CR1L: variants seen among roughly 807,000 people sequenced by gnomAD.
CR1L encodes the protein complement component receptor 1-like protein.
In CR1L, 59 loss-of-function variants were observed where a neutral mutation model predicts 62.3. The observed-to-expected ratio is 0.95, with a 90% CI of 0.77 to 1.18. The LOEUF is 1.18. CR1L is among the 50% of genes most tolerant of loss of function. CR1L has a pLI of 0.00. For missense variants in CR1L, 700 were observed against 702.8 expected (o/e 1.00, Z 0.04); for synonymous variants, 279 against 248.7 (o/e 1.12, Z -1.15).
intron 1 of CR1L, among the ~76,000 whole-genome samples, chr1:207,647,030 C>A (rs78159416): frequency 0.063 from 9,519 of 150,236 alleles, 627 homozygotes; most frequent in East Asian, 0.37. Flanking sequence ...TTTACACACA[C>A]GTACATGCAG....
chr1:207,652,501 G>A (rs938950989), intron 1 of CR1L: 77 of 1,058,508 alleles, frequency 7.3e-5, no homozygotes, highest in Non-Finnish European at 7.7e-5. Context: ...GCTGATGAAA[G>A]TGATATCAGT....
At chr1:207,671,653 G>A (rs984747110) in intron 1 of CR1L, among the ~76,000 whole-genome samples, 2 of 150,946 alleles carry the variant, frequency 1.3e-5, no homozygotes, top group Admixed American at 6.6e-5. Context: ...GGGGCCAGGC[G>A]CAGTGGCTCA....
chr1:207,690,077 T>A (rs1663972129), intron 4 of CR1L, among the ~76,000 whole-genome samples: 1 of 152,052 alleles, frequency 6.6e-6, no homozygotes, highest in African/African-American at 2.4e-5. Context: ...ACTTTCTTGT[T>A]TTTTCTTTAA....
chr1:207,704,795 T>C (rs546254745), intron 9 of CR1L, among the ~76,000 whole-genome samples: 88 of 152,362 alleles, frequency 5.8e-4, no homozygotes, highest in African/African-American at 2.1e-3. Context: ...CTATAGTATA[T>C]TACAAACACA....
chr1:207,661,124 G>T (rs949900018), intron 1 of CR1L, among the ~76,000 whole-genome samples: 1 of 152,232 alleles, frequency 6.6e-6, no homozygotes, highest in African/African-American at 2.4e-5. Flanking sequence ...ATATTCTGTT[G>T]ATTTGGGGTG....
intron 10 of CR1L, among the ~76,000 whole-genome samples, chr1:207,715,984 C>T (rs3860294): frequency 0.21 from 31,665 of 152,088 alleles, 3,873 homozygotes; most frequent in Middle Eastern, 0.29. Flanking sequence ...TGTGAGCCAC[C>T]GTACCCAGCC....
intron 4 of CR1L, among the ~76,000 whole-genome samples, chr1:207,689,550 G>C (rs1363087716): frequency 2.0e-5 from 3 of 152,058 alleles, no homozygotes; most frequent in Non-Finnish European, 4.4e-5. Context: ...ATGTTCTCAA[G>C]AGATCTTTGG....
At chr1:207,706,239 G>A (rs1296012885) in intron 9 of CR1L, among the ~76,000 whole-genome samples, 2 of 151,506 alleles carry the variant, frequency 1.3e-5, no homozygotes, top group Admixed American at 6.6e-5. Flanking sequence ...GGGCAATAAG[G>A]CAAAACCCCA....
At chr1:207,717,437 A>G in intron 10 of CR1L, 27 bp from the exon 11 acceptor site, 1 of 1,606,702 alleles carries the variant, frequency 6.2e-7, no homozygotes, top group Non-Finnish European at 8.5e-7. Context: ...CTCTAATAGA[A>G]CTTAAAAGCT....
chr1:207,700,892 T>C (rs1558022719), intron 8 of CR1L, among the ~76,000 whole-genome samples: 1 of 152,272 alleles, frequency 6.6e-6, no homozygotes, highest in African/African-American at 2.4e-5. Context: ...AATGTTTTGC[T>C]ACTTCATTAA....
At chr1:207,673,399 G>C (rs1663643387) in intron 1 of CR1L, among the ~76,000 whole-genome samples, 1 of 152,168 alleles carries the variant, frequency 6.6e-6, no homozygotes, top group Admixed American at 6.5e-5. Flanking sequence ...ACATGCCTAA[G>C]CAAAGCAAGT....
chr1:207,705,155 A>G (rs1664248547), intron 9 of CR1L, among the ~76,000 whole-genome samples: 1 of 152,208 alleles, frequency 6.6e-6, no homozygotes, highest in East Asian at 1.9e-4. Flanking sequence ...CTGTGTCCTC[A>G]TATGCTGTTC....
chr1:207,659,943 C>T (rs186922282), intron 1 of CR1L, among the ~76,000 whole-genome samples: 48 of 152,334 alleles, frequency 3.2e-4, no homozygotes, highest in Middle Eastern at 3.4e-3. Flanking sequence ...TGGAACTTGG[C>T]TGGGGGAGGA....
chr1:207,706,218 G>A (rs1015573739), intron 9 of CR1L, among the ~76,000 whole-genome samples: 4 of 151,630 alleles, frequency 2.6e-5, no homozygotes, highest in Non-Finnish European at 2.9e-5. Flanking sequence ...CCAGGACCTC[G>A]AGACCAGCCT....
intron 9 of CR1L, among the ~76,000 whole-genome samples, chr1:207,702,270 C>A (rs1451316202): frequency 6.6e-6 from 1 of 152,120 alleles, no homozygotes; most frequent in East Asian, 1.9e-4. Flanking sequence ...ACGAACTGCA[C>A]CCATATAAGA....
At chr1:207,694,190 G>A (rs1485040576) in intron 4 of CR1L, among the ~76,000 whole-genome samples, 163 bp from the exon 5 acceptor site, 2 of 152,112 alleles carry the variant, frequency 1.3e-5, no homozygotes, top group African/African-American at 4.8e-5. Flanking sequence ...AGAAAGGCAG[G>A]ACACATCATA....
In CR1L at chr1:207,694,856, C is replaced by G. The variant is rs1028466626; in HGVS notation, c.862+105C>G. On this transcript the variant is annotated intron_variant, in intron 5 of 11. Coordinates refer to ENST00000508064, the MANE Select transcript of CR1L (RefSeq NM_175710.2). Reference sequence around the variant, plus strand: ...GGGAGGGATTTGTGCTGAGCAGGGTCGAGAAGCAAATTTTCTAGGTAGTGA... The same window carrying G: ...GGGAGGGATTTGTGCTGAGCAGGGTGGAGAAGCAAATTTTCTAGGTAGTGA... The G allele has an allele frequency of 1.0e-5, 16 of 1,561,170 alleles. No homozygotes were observed. The African/African-American group carries it at 1.9e-4, about 19-fold the overall frequency.
chr1:207,714,982 C>G (rs1202105012), intron 10 of CR1L, among the ~76,000 whole-genome samples: 1 of 152,182 alleles, frequency 6.6e-6, no homozygotes, highest in Non-Finnish European at 1.5e-5. Flanking sequence ...AAGGTTATGG[C>G]TCTTGTGCCC....
chr1:207,664,967 T>C (rs1253892221), intron 1 of CR1L, among the ~76,000 whole-genome samples: 2 of 152,230 alleles, frequency 1.3e-5, no homozygotes, highest in African/African-American at 2.4e-5. Context: ...AAAAGATACA[T>C]ATGTTTACCC....
Sources: gnomAD v4.1 joint callset for allele counts (sites outside exome capture counted in the v4.1 genomes callset) on GRCh38, gnomAD v4.1.1 for gene constraint, MANE v1.5 for transcripts, NCBI Gene and HGNC (gene_info 2026-07-23, HGNC 2026-07-21) for gene names.